Variants in KDM7A observed in about 807,000 individuals in gnomAD.
The protein encoded by KDM7A is lysine demethylase 7A.
In KDM7A, 28 loss-of-function variants were observed where a neutral mutation model predicts 114.8. The observed-to-expected ratio is 0.24, with a 90% CI of 0.18 to 0.33. KDM7A has a LOEUF of 0.33. Ranked by LOEUF, KDM7A falls within the 10% of genes least tolerant of loss-of-function variation. KDM7A has a pLI of 1.00. For missense variants in KDM7A, 942 were observed against 1,142.5 expected (o/e 0.82, Z 2.53); for synonymous variants, 423 against 397.8 (o/e 1.06, Z -0.75).
At chr7:140,100,675 T>C (rs1489279124) in intron 12 of KDM7A, among the ~76,000 whole-genome samples, 22 of 44,244 alleles carry the variant, frequency 5.0e-4, no homozygotes, top group African/African-American at 6.9e-4. Context: ...TATATATATA[T>C]ATATACATAT....
intron 1 of KDM7A, among the ~76,000 whole-genome samples, chr7:140,163,252 C>T (rs1285179471): frequency 1.3e-5 from 2 of 151,720 alleles, no homozygotes; most frequent in Non-Finnish European, 2.9e-5. Context: ...CCTGAGCCTC[C>T]CAAAGTGCTG....
At chr7:140,113,864 T>G (rs1818470789) in intron 9 of KDM7A, among the ~76,000 whole-genome samples, 1 of 152,198 alleles carries the variant, frequency 6.6e-6, no homozygotes, top group Admixed American at 6.5e-5. Flanking sequence ...CAGGCTGGTC[T>G]CAAACTCCTG....
At chr7:140,112,338 A>G (rs777087468) in intron 10 of KDM7A, among the ~76,000 whole-genome samples, 2 of 152,230 alleles carry the variant, frequency 1.3e-5, no homozygotes, top group Non-Finnish European at 2.9e-5. Context: ...AGCCAGGCAC[A>G]GTGGCTCATG....
intron 1 of KDM7A, 144 bp from the exon 2 acceptor site, chr7:140,139,334 A>G: frequency 1.7e-6 from 1 of 585,124 alleles, no homozygotes; most frequent in Non-Finnish European, 3.1e-6. Flanking sequence ...ATATAAAGAT[A>G]AATTTTATTC....
chr7:140,105,594 T>C (rs900060415), intron 11 of KDM7A, among the ~76,000 whole-genome samples: 2 of 152,238 alleles, frequency 1.3e-5, no homozygotes, highest in African/African-American at 4.8e-5. Context: ...TTACGTTTAT[T>C]GATTTGCGTA....
chr7:140,135,863 A>G (rs1247934183), intron 2 of KDM7A, among the ~76,000 whole-genome samples: 1 of 151,662 alleles, frequency 6.6e-6, no homozygotes, highest in Admixed American at 6.6e-5. Flanking sequence ...TAAGAAGCGT[A>G]TTTCATACCC....
intron 11 of KDM7A, among the ~76,000 whole-genome samples, chr7:140,102,774 G>A (rs150018945): frequency 3.9e-4 from 59 of 152,192 alleles, no homozygotes; most frequent in African/African-American, 1.3e-3. Flanking sequence ...TGTTCTTTCC[G>A]ACAATGAACA....
chr7:140,098,845 A>C (rs1818156649), intron 14 of KDM7A, 34 bp downstream of exon 14: 3 of 1,552,524 alleles, frequency 1.9e-6, no homozygotes, highest in Non-Finnish European at 2.6e-6. Flanking sequence ...TTAGTAATCA[A>C]AAGATCTTTA....
chr7:140,091,133 A>G lies in KDM7A; in HGVS notation c.2787T>C (p.Leu929=). The change falls in exon 20 of 20, where the codon CTT becomes CTC. Residue 929 remains leucine (L), a synonymous_variant. Transcript: ENST00000397560. ...ATAKQRLGKI[L]KLNRNGHARF... ...GTGCATGGCCATTTCTGTTCAACTT[A>G]AGGATCTTCCCAAGACGTTGTTTGG... 6.2e-7 allele frequency: 1 copy of G among 1,614,108 alleles called. No homozygotes were observed. Among genetic ancestry groups the G allele is most frequent in the East Asian group, 2.2e-5 (1 of 44,884 alleles).
chr7:140,146,444 A>G (rs1794341190), intron 1 of KDM7A, among the ~76,000 whole-genome samples: 1 of 152,148 alleles, frequency 6.6e-6, no homozygotes, highest in African/African-American at 2.4e-5. Context: ...GCTATAACAG[A>G]TATGTTAAGA....
At chr7:140,110,413 C>T (rs1015416043) in intron 11 of KDM7A, among the ~76,000 whole-genome samples, 1 of 152,070 alleles carries the variant, frequency 6.6e-6, no homozygotes, top group African/African-American at 2.4e-5. Flanking sequence ...GATATTAAAG[C>T]AAGCATTTTA....
chr7:140,128,247 T>C (rs552375633), intron 4 of KDM7A, among the ~76,000 whole-genome samples: 1 of 152,328 alleles, frequency 6.6e-6, no homozygotes, highest in South Asian at 2.1e-4. Context: ...TACAGACCAC[T>C]GCACTGCTAC....
chr7:140,154,446 T>C (rs1434381957), intron 1 of KDM7A, among the ~76,000 whole-genome samples: 1 of 147,456 alleles, frequency 6.8e-6, no homozygotes, highest in Non-Finnish European at 1.5e-5. Flanking sequence ...GTGAGCTGAC[T>C]GCACCGCTGC....
intron 19 of KDM7A, 54 bp downstream of exon 19, chr7:140,091,750 T>C (rs1242684940): frequency 1.6e-5 from 25 of 1,583,996 alleles, no homozygotes; most frequent in Non-Finnish European, 2.2e-5. Flanking sequence ...ACTGCCATGA[T>C]GACCATCACA....
chr7:140,094,023 A>G lies in KDM7A; in HGVS notation c.2457+33T>C, dbSNP rs1465849178. On this transcript the variant is annotated intron_variant, in intron 18 of 19. Coordinates refer to ENST00000397560, the MANE Select transcript of KDM7A (RefSeq NM_030647.2). ...AAAACAACGTTAATGATCATTTTAA[A>G]TCTCCTTTTAACGTTTCAAACTTTG... The G allele has an allele frequency of 3.2e-6, 4 of 1,246,906 alleles. No homozygotes were observed. In the East Asian group the frequency reaches 9.2e-5, roughly 29 times the overall value. The allele number at this position is 1,246,906 out of a possible 1,614,324, so 77.2% of individuals were successfully genotyped here.
Position 140,176,928 on chromosome 7 carries a change from C to A in KDM7A, c.10G>T (p.Ala4Ser). 1 of 1,160,178 alleles carries A rather than the reference C, an allele frequency of 8.6e-7. No individual in the cohort carries two copies. Among genetic ancestry groups the A allele is most frequent in the South Asian group, 3.8e-5 (1 of 26,242 alleles). 71.9% of individuals were successfully genotyped at this position (1,160,178 alleles called of 1,614,324 possible). Residue 4 changes from alanine (A) to serine (S), a missense_variant, in exon 1 of 20, where the codon GCG becomes TCG. Transcript: ENST00000397560. This position sits in a 1 kb window ranked among gnomAD's most constrained non-coding sequence, Gnocchi z 4.4. ...GCTCCCGCGGCCACCGCCGCCGCCG[C>A]TCCGGCCATCTTTAAAAAACACACA... MAG[A>S]AAAVAAGAAA...
Position 140,116,205 on chromosome 7 carries a change from G to A in KDM7A, c.1247-2623C>T, listed in dbSNP as rs536307856. Among the ~76,000 whole-genome samples the A allele has an allele frequency of 6.6e-5, 10 of 152,250 alleles. No homozygotes were observed. In the South Asian group the frequency reaches 1.5e-3, roughly 22 times the overall value. ...CAAGAACTTCTTAGCAGCATTTTCC[G>A]TAATTGTCAAAAACCAAAAATAACT... On this transcript the variant is annotated intron_variant, in intron 9 of 19. Coordinates refer to ENST00000397560, the MANE Select transcript of KDM7A (RefSeq NM_030647.2).
Position 140,176,205 on chromosome 7 carries a change from G to A in KDM7A, c.194+539C>T, listed in dbSNP as rs978086628. 6.6e-6 allele frequency among the ~76,000 whole-genome samples: 1 copy of A among 151,646 alleles called. No individual in the cohort carries two copies. Among genetic ancestry groups the A allele is most frequent in the African/African-American group, 2.4e-5 (1 of 41,360 alleles). ...CTGGCCCAGGAAGTTTGATAAAGAC[G>A]GGGAAGGGGGCGCGACAGGGACCCG... is the stretch of plus-strand genomic sequence containing the variant. On this transcript the variant is annotated intron_variant, in intron 1 of 19. Coordinates refer to ENST00000397560, the MANE Select transcript of KDM7A (RefSeq NM_030647.2). The surrounding 1 kb of genome is among the most constrained non-coding windows in gnomAD (Gnocchi z 4.4).
chr7:140,100,271 C>T (rs1359996836), intron 12 of KDM7A, among the ~76,000 whole-genome samples: 1 of 152,154 alleles, frequency 6.6e-6, no homozygotes, highest in Non-Finnish European at 1.5e-5. Context: ...ATAAAATATG[C>T]ATAAAGTGAA....
Sources: allele counts gnomAD v4.1 joint callset (sites outside exome capture counted in the v4.1 genomes callset), GRCh38; gene constraint gnomAD v4.1.1; non-coding constraint Gnocchi (gnomAD v3.1); transcripts MANE v1.5; gene names NCBI Gene and HGNC (gene_info 2026-07-23, HGNC 2026-07-21).